Variants in SGK3 observed in about 807,000 individuals in gnomAD.
SGK3 encodes serine/threonine-protein kinase Sgk3.
SGK3 carries 47 observed loss-of-function variants against 68.5 expected under a neutral mutation model. That is an observed-to-expected ratio of 0.69 (90% CI 0.54 to 0.87). The LOEUF (loss-of-function observed/expected upper bound fraction) is 0.87. Ranked by LOEUF, SGK3 falls within the 40% of genes least tolerant of loss-of-function variation. The pLI is 0.00. For synonymous variants in SGK3, 181 were observed against 189.1 expected (o/e 0.96, Z 0.35); for missense variants, 479 against 575.5 (o/e 0.83, Z 1.72).
chr8:66,760,090 A>T (rs1265644210), intron 1 of SGK3, among the ~76,000 whole-genome samples: 1 of 152,188 alleles, frequency 6.6e-6, no homozygotes, highest in Non-Finnish European at 1.5e-5. Flanking sequence ...TGATTTATGC[A>T]GACCTTCCAA....
chr8:66,778,681 T>C (rs1806826029), intron 1 of SGK3, among the ~76,000 whole-genome samples: 1 of 152,222 alleles, frequency 6.6e-6, no homozygotes, highest in South Asian at 2.1e-4. Flanking sequence ...AACAATTATT[T>C]CTACAGTATA....
intron 16 of SGK3, among the ~76,000 whole-genome samples, chr8:66,855,531 G>A (rs369368239): frequency 1.2e-4 from 18 of 152,116 alleles, no homozygotes; most frequent in Admixed American, 7.9e-4. Flanking sequence ...TATATGTGCT[G>A]CCGAAGTGAG....
chr8:66,723,112 TATATATATATA>T lies in SGK3; in HGVS notation c.-122+10280_-122+10290del, dbSNP rs1804856712. Among the ~76,000 whole-genome samples, 18 of 50,710 alleles carry T rather than the reference TATATATATATA, an allele frequency of 3.5e-4. 1 individual carries two copies. Among genetic ancestry groups the T allele is most frequent in the African/African-American group, 5.0e-4 (6 of 12,076 alleles). The allele number at this position is 50,710 out of a possible 152,430, so 33.3% of individuals were successfully genotyped here. A position where few individuals can be genotyped will look rare whatever the true frequency, so the allele number is the denominator to read the frequency against. On this transcript the variant is annotated intron_variant, in intron 1 of 16. Coordinates refer to ENST00000521198, the MANE Select transcript of SGK3 (RefSeq NM_001033578.3). The stretch of plus-strand genomic sequence containing the variant: ...GTTCATATATATATATATATATATA[TATATATATATA>T]TATATATATTTTTTTTTTTTTTTTT...
chr8:66,758,011 T>TACACAC (rs374764386), intron 1 of SGK3, among the ~76,000 whole-genome samples: 2,529 of 133,682 alleles, frequency 0.019, 62 homozygotes, highest in African/African-American at 0.062. Context: ...ACACACACAC[T>TACACAC]ACACACACAC....
At chr8:66,835,125 C>T (rs1294937629) in intron 8 of SGK3, among the ~76,000 whole-genome samples, 1 of 151,990 alleles carries the variant, frequency 6.6e-6, no homozygotes, top group Middle Eastern at 3.2e-3. Context: ...CAAAAATTAG[C>T]CAGGTATGGT....
intron 16 of SGK3, among the ~76,000 whole-genome samples, chr8:66,852,828 A>T (rs1452627511): frequency 6.6e-6 from 1 of 152,118 alleles, no homozygotes; most frequent in Admixed American, 6.6e-5. Flanking sequence ...GGAAACTAAG[A>T]CTCTTAAGAA....
At chr8:66,782,284 A>G (rs1007396538) in intron 1 of SGK3, among the ~76,000 whole-genome samples, 2 of 150,500 alleles carry the variant, frequency 1.3e-5, no homozygotes, top group African/African-American at 4.9e-5. Flanking sequence ...TTACTAGGTC[A>G]TTTCCCCTTG....
At chr8:66,836,209 G>A in intron 10 of SGK3, 135 bp downstream of exon 10, 3 of 1,171,860 alleles carry the variant, frequency 2.6e-6, no homozygotes, top group Non-Finnish European at 3.5e-6. Context: ...GGTACTGGCT[G>A]AGTACAGGAT....
At chr8:66,775,430 T>C (rs1401692816) in intron 1 of SGK3, 1 of 152,452 alleles carries the variant, frequency 6.6e-6, no homozygotes, top group Non-Finnish European at 1.5e-5. Flanking sequence ...AGGTGTGGTG[T>C]GACGGGCCCC....
rs1450643529 is a variant in SGK3, at chr8:66,841,572, GTTT to G, written c.978+465_978+467del. Among the ~76,000 whole-genome samples the G allele has an allele frequency of 7.9e-5, 12 of 152,074 alleles. No homozygotes were observed. In the East Asian group the frequency reaches 2.1e-3, roughly 27 times the overall value. On this transcript the variant is annotated intron_variant, in intron 13 of 16. Transcript: ENST00000521198. ...GATATGTGACTATTTTAATAAAGCTGTTTTTCTTTTAAAAAATGAGCTAAAGCA... is the reference window on the plus strand; with the variant it reads ...GATATGTGACTATTTTAATAAAGCTGTTCTTTTAAAAAATGAGCTAAAGCA...
chr8:66,835,907 G>A (rs1412398315), intron 9 of SGK3, 36 bp from the exon 10 acceptor site: 1 of 1,610,660 alleles, frequency 6.2e-7, no homozygotes, highest in Admixed American at 1.7e-5. Context: ...CTGTTTTCTA[G>A]TGTATAATAC....
rs1810732532 is a variant in SGK3, at chr8:66,861,135, A to C, written c.*1554A>C. 1.3e-5 allele frequency: 2 copies of C among 152,214 alleles called. No homozygotes were observed. Among genetic ancestry groups the C allele is most frequent in the South Asian group, 2.1e-4 (1 of 4,834 alleles). 9.4% of individuals were successfully genotyped at this position (152,214 alleles called of 1,614,324 possible). A position where few individuals can be genotyped will look rare whatever the true frequency, so the allele number is the denominator to read the frequency against. On this transcript the variant is annotated 3_prime_UTR_variant, in exon 17 of 17. Transcript: ENST00000521198. ...GCGAGACCCTAGTTAAGAGAAAAAA[A>C]AAGTAAAAACAAATTGTGGGTCAAA...
intron 4 of SGK3, 137 bp downstream of exon 4, chr8:66,804,584 G>A (rs1297771659): frequency 2.2e-5 from 19 of 870,546 alleles, no homozygotes; most frequent in East Asian, 2.7e-5. Flanking sequence ...CCGCAGGAAG[G>A]TGCTTACTGT....
At chr8:66,746,938 A>C (rs1805670936) in intron 1 of SGK3, among the ~76,000 whole-genome samples, 1 of 152,234 alleles carries the variant, frequency 6.6e-6, no homozygotes, top group East Asian at 1.9e-4. Context: ...TAATTAGTCA[A>C]CGTTAATGTA....
intron 15 of SGK3, among the ~76,000 whole-genome samples, chr8:66,847,585 CTAT>C (rs1399543085): frequency 6.6e-6 from 1 of 152,164 alleles, no homozygotes; most frequent in Non-Finnish European, 1.5e-5. Flanking sequence ...CTTTCGCACC[CTAT>C]TATTTACTTG....
chr8:66,795,722 T>G (rs1350245843), intron 2 of SGK3, among the ~76,000 whole-genome samples: 3 of 152,186 alleles, frequency 2.0e-5, no homozygotes, highest in Non-Finnish European at 2.9e-5. Flanking sequence ...AGGCCCTATC[T>G]AAATCACCTT....
At position 66,822,383 on chromosome 8, in the gene SGK3, G is replaced by C. The variant is rs201134569; in HGVS notation, c.341G>C (p.Arg114Thr). The C allele has an allele frequency of 1.6e-4, 253 of 1,609,678 alleles. No individual in the cohort carries two copies. Among genetic ancestry groups the C allele is most frequent in the Non-Finnish European group, 1.2e-4 (147 of 1,178,014 alleles). Residue 114 changes from arginine (R) to threonine (T), a missense_variant, in exon 6 of 17, where the codon AGA becomes ACA. By Grantham distance (71) the Arg-to-Thr change is moderately conservative. Coordinates refer to ENST00000521198, the MANE Select transcript of SGK3 (RefSeq NM_001033578.3). ...YPELYNHPDV[R>T]AFLQMDSPKH... ...ATTTTTGTTTTTAGTCCAGATGTCA[G>C]AGCATTCCTTCAAATGGACAGTCCA...
intron 16 of SGK3, among the ~76,000 whole-genome samples, chr8:66,854,983 TAAC>T (rs767660434): frequency 2.6e-5 from 4 of 151,962 alleles, no homozygotes; most frequent in South Asian, 2.1e-4. Flanking sequence ...ACCCTGTCTC[TAAC>T]AACAACAACA....
chr8:66,810,544 T>C (rs1166987403), intron 4 of SGK3, among the ~76,000 whole-genome samples: 2 of 152,030 alleles, frequency 1.3e-5, no homozygotes, highest in East Asian at 3.9e-4. Context: ...CTACTAAAAA[T>C]ACAAAAATTA....
Sources: allele counts gnomAD v4.1 joint callset (sites outside exome capture counted in the v4.1 genomes callset), GRCh38; gene constraint gnomAD v4.1.1; transcripts MANE v1.5; gene names NCBI Gene and HGNC (gene_info 2026-07-23, HGNC 2026-07-21).